The following CDH12 variants were observed in gnomAD, a reference collection of about 807,000 sequenced individuals.
CDH12 encodes cadherin-12.
Under a neutral mutation model 74.1 loss-of-function variants are expected in CDH12, and 41 were observed. The observed-to-expected ratio is 0.55, with a 90% CI of 0.43 to 0.72. The LOEUF (loss-of-function observed/expected upper bound fraction) is 0.72, where lower values mean the gene tolerates loss of function less well. Among genes scored for constraint, CDH12 ranks in the 30% least tolerant of loss-of-function variants. CDH12 has a pLI of 0.00. For synonymous variants in CDH12, 399 were observed against 355.0 expected, an observed-to-expected ratio of 1.12 and a Z score of -1.39; for missense variants, 945 against 977.2, an observed-to-expected ratio of 0.97 and a Z score of 0.44.
intron 1 of CDH12, among the ~76,000 whole-genome samples, chr5:22,831,351 T>TGTG (rs1554007030): frequency 0.011 from 1,510 of 138,622 alleles, 26 homozygotes; most frequent in Admixed American, 0.034. Context: ...GTTTTGGAGT[T>TGTG]TGTGTGTGTG....
intron 8 of CDH12, among the ~76,000 whole-genome samples, chr5:21,820,572 G>A (rs774735939): frequency 6.6e-5 from 10 of 152,060 alleles, no homozygotes; most frequent in South Asian, 6.2e-4. Context: ...TGGAAGACAC[G>A]TTCATTAAGA....
At chr5:21,845,152 G>T (rs1750097264) in intron 7 of CDH12, among the ~76,000 whole-genome samples, 1 of 152,090 alleles carries the variant, frequency 6.6e-6, no homozygotes, top group Non-Finnish European at 1.5e-5. Context: ...GGAATGTCAG[G>T]ATTGATAACT....
intron 1 of CDH12, among the ~76,000 whole-genome samples, chr5:22,813,499 C>G (rs1749246370): frequency 1.3e-5 from 2 of 152,116 alleles, no homozygotes; most frequent in East Asian, 3.9e-4. Context: ...TCCTGGTTTC[C>G]ACACCTTTGG....
chr5:22,462,450 C>G (rs766106860), intron 2 of CDH12, among the ~76,000 whole-genome samples: 6 of 152,102 alleles, frequency 3.9e-5, no homozygotes, highest in Non-Finnish European at 7.4e-5. Context: ...AGGAGAGTTT[C>G]CATTTTTGAA....
chr5:22,799,782 C>A (rs181877126), intron 1 of CDH12, among the ~76,000 whole-genome samples: 4 of 152,190 alleles, frequency 2.6e-5, no homozygotes, highest in African/African-American at 9.6e-5. Flanking sequence ...TACATATATA[C>A]CTACAATATA....
intron 6 of CDH12, among the ~76,000 whole-genome samples, chr5:21,891,543 A>G (rs1050674111): frequency 3.6e-5 from 5 of 139,958 alleles, no homozygotes; most frequent in Admixed American, 3.0e-4. Context: ...CTTCAGTCCA[A>G]TTCTCTTTCC....
chr5:22,253,035 A>C (rs1461812921), intron 3 of CDH12, among the ~76,000 whole-genome samples: 2 of 151,986 alleles, frequency 1.3e-5, no homozygotes, highest in African/African-American at 4.8e-5. Context: ...ATTGACATCA[A>C]TATTTATGTC....
At chr5:21,942,664 A>C (rs187952682) in intron 6 of CDH12, among the ~76,000 whole-genome samples, 1 of 152,164 alleles carries the variant, frequency 6.6e-6, no homozygotes, top group East Asian at 1.9e-4. Flanking sequence ...ATATATATTC[A>C]AAGTTCTGAA....
At chr5:22,233,433 G>A (rs1256550944) in intron 3 of CDH12, among the ~76,000 whole-genome samples, 3 of 152,016 alleles carry the variant, frequency 2.0e-5, no homozygotes, top group African/African-American at 7.2e-5. Flanking sequence ...AAAAGGCCCT[G>A]AATGTTTCAA....
intron 5 of CDH12, among the ~76,000 whole-genome samples, chr5:22,010,788 T>C (rs1354974044): frequency 1.3e-5 from 2 of 152,124 alleles, no homozygotes; most frequent in African/African-American, 4.8e-5. Flanking sequence ...CTATGTGCTG[T>C]TTAGAATTAT....
intron 2 of CDH12, among the ~76,000 whole-genome samples, chr5:22,496,865 C>T (rs1417500373): frequency 1.3e-5 from 2 of 152,068 alleles, no homozygotes; most frequent in Non-Finnish European, 2.9e-5. Context: ...CCCATGCCCC[C>T]GAGCCTAGTT....
At chr5:21,874,883 A>G (rs745991104) in intron 6 of CDH12, among the ~76,000 whole-genome samples, 10 of 152,286 alleles carry the variant, frequency 6.6e-5, no homozygotes, top group African/African-American at 2.4e-4. Context: ...ACATTCATGC[A>G]TGGCCCAAAG....
At chr5:22,656,519 A>G (rs1030605984) in intron 1 of CDH12, among the ~76,000 whole-genome samples, 4 of 152,208 alleles carry the variant, frequency 2.6e-5, no homozygotes, top group Non-Finnish European at 4.4e-5. Context: ...TTAAAATGGC[A>G]GTCAACATCA....
intron 1 of CDH12, among the ~76,000 whole-genome samples, chr5:22,573,906 G>A (rs1739654094): frequency 6.6e-6 from 1 of 151,934 alleles, no homozygotes; most frequent in Admixed American, 6.6e-5. Flanking sequence ...ACCTCTGGAA[G>A]GAACTAGCTT....
At chr5:22,388,410 G>T (rs1742093770) in intron 3 of CDH12, among the ~76,000 whole-genome samples, 3 of 151,992 alleles carry the variant, frequency 2.0e-5, no homozygotes, top group South Asian at 2.1e-4. Flanking sequence ...AAATTTATTT[G>T]AGGATAAAAA....
At chr5:22,037,801 A>C (rs74982788) in intron 5 of CDH12, among the ~76,000 whole-genome samples, 1 of 152,152 alleles carries the variant, frequency 6.6e-6, no homozygotes, top group Non-Finnish European at 1.5e-5. Context: ...GCTAGATTAC[A>C]TCAAAAGAGT....
chr5:21,768,428 A>G (rs1745143785), intron 11 of CDH12, among the ~76,000 whole-genome samples: 1 of 151,912 alleles, frequency 6.6e-6, no homozygotes, highest in African/African-American at 2.4e-5. Context: ...ACTAAGAGAA[A>G]AAAAGGAAAA....
At chr5:22,778,691 C>T (rs2126338438) in intron 1 of CDH12, among the ~76,000 whole-genome samples, 1 of 152,142 alleles carries the variant, frequency 6.6e-6, no homozygotes, top group East Asian at 1.9e-4. Context: ...TATGTAGGAT[C>T]AATTTCAAAG....
At chr5:22,690,002 A>C (rs1742000169) in intron 1 of CDH12, among the ~76,000 whole-genome samples, 1 of 152,156 alleles carries the variant, frequency 6.6e-6, no homozygotes, top group South Asian at 2.1e-4. Flanking sequence ...CCTGGTTTTC[A>C]AAGATAGTTA....
Sources: allele counts gnomAD v4.1 joint callset (sites outside exome capture counted in the v4.1 genomes callset), GRCh38; gene constraint gnomAD v4.1.1; transcripts MANE v1.5; gene names NCBI Gene and HGNC (gene_info 2026-07-23, HGNC 2026-07-21).